Variants in PCDH9 observed in about 807,000 individuals in gnomAD.
PCDH9 encodes the protein protocadherin-9.
PCDH9 carries 24 observed loss-of-function variants against 70.6 expected under a neutral mutation model. The ratio of observed to expected loss-of-function variants is 0.34; its 90% confidence interval spans 0.25 to 0.48. The LOEUF is 0.48. Ranked by LOEUF, PCDH9 falls within the 20% of genes least tolerant of loss-of-function variation. The pLI is 0.99. For synonymous variants in PCDH9, 562 were observed against 558.5 expected, an observed-to-expected ratio of 1.01 and a Z score of -0.09; for missense variants, 1,281 against 1,503.6, an observed-to-expected ratio of 0.85 and a Z score of 2.45.
chr13:66,756,751 T>C (rs1204273901), intron 3 of PCDH9, among the ~76,000 whole-genome samples: 1 of 152,174 alleles, frequency 6.6e-6, no homozygotes, highest in African/African-American at 2.4e-5. Flanking sequence ...ATAATGGAAT[T>C]GTAGCTGGGG....
At chr13:66,886,356 A>C (rs1315128510) in intron 3 of PCDH9, among the ~76,000 whole-genome samples, 1 of 152,150 alleles carries the variant, frequency 6.6e-6, no homozygotes. Flanking sequence ...CAAAACAAGC[A>C]GAGTTAAAAT....
At chr13:66,495,577 A>AATACATACATACATACATACATACATAC (rs542362281) in intron 4 of PCDH9, among the ~76,000 whole-genome samples, 37 of 151,048 alleles carry the variant, frequency 2.4e-4, no homozygotes, top group African/African-American at 8.3e-4. Context: ...TTGCAAAATA[A>AATACATACATACATACATACATACATAC]ATACATACAT....
chr13:66,536,677 G>A (rs1040371652), intron 4 of PCDH9, among the ~76,000 whole-genome samples: 2 of 152,018 alleles, frequency 1.3e-5, no homozygotes, highest in Non-Finnish European at 2.9e-5. Context: ...AATAGATATA[G>A]CTTCTGAAAA....
intron 4 of PCDH9, among the ~76,000 whole-genome samples, chr13:66,365,112 G>A (rs1184623548): frequency 6.6e-6 from 1 of 152,098 alleles, no homozygotes; most frequent in Non-Finnish European, 1.5e-5. Flanking sequence ...CCTTTGATAT[G>A]CACAGTTGGG....
chr13:66,754,094 C>A lies in PCDH9; in HGVS notation c.3139-122683G>T, dbSNP rs558828570. On this transcript the variant is annotated intron_variant, in intron 3 of 4. Coordinates refer to ENST00000377865, the MANE Select transcript of PCDH9 (RefSeq NM_203487.3). ...ATTAAATTATTTCTTGACTTTTATTCTCTTTGTTCTAAGAGGTGTGTATCA... is the reference window on the plus strand; with the variant it reads ...ATTAAATTATTTCTTGACTTTTATTATCTTTGTTCTAAGAGGTGTGTATCA... Among the ~76,000 whole-genome samples, 17 of 150,908 alleles carry A rather than the reference C, an allele frequency of 1.1e-4. No individual in the cohort carries two copies. The East Asian group carries it at 1.9e-3, about 17-fold the overall frequency.
At chr13:67,078,082 C>A (rs2085913756) in intron 2 of PCDH9, among the ~76,000 whole-genome samples, 1 of 152,120 alleles carries the variant, frequency 6.6e-6, no homozygotes, top group Admixed American at 6.6e-5. Context: ...CTGCAGATGG[C>A]TGAGGTGTCC....
At chr13:66,408,293 G>A (rs562692173) in intron 4 of PCDH9, among the ~76,000 whole-genome samples, 20 of 152,126 alleles carry the variant, frequency 1.3e-4, no homozygotes, top group Non-Finnish European at 2.2e-4. Flanking sequence ...CTCCCAGCAG[G>A]GATCACTTTT....
At position 67,228,003 on chromosome 13, in the gene PCDH9, G is replaced by C; in HGVS notation, c.438C>G (p.Val146=). Residue 146 remains valine, a synonymous_variant, in exon 2 of 5, where the codon GTC becomes GTG. Coordinates refer to ENST00000377865, the MANE Select transcript of PCDH9 (RefSeq NM_203487.3). Reference sequence around the variant, plus strand: ...TGTTTTCTGGAATGGAAATATTGATGACAGGAGATGGAAACATGGGGGCAT... The same window carrying C: ...TGTTTTCTGGAATGGAAATATTGATCACAGGAGATGGAAACATGGGGGCAT... ...NDNAPMFPSP[V]INISIPENTL... The C allele has an allele frequency of 1.2e-6, 2 of 1,613,996 alleles. No homozygotes were observed. Among genetic ancestry groups the C allele is most frequent in the Non-Finnish European group, 1.7e-6 (2 of 1,179,888 alleles).
intron 4 of PCDH9, among the ~76,000 whole-genome samples, chr13:66,505,411 C>T (rs1031737204): frequency 5.3e-5 from 8 of 151,944 alleles, no homozygotes; most frequent in African/African-American, 9.7e-5. Context: ...TTCACTATCA[C>T]GAGAACAGCA....
At chr13:66,879,339 T>C (rs1158182844) in intron 3 of PCDH9, among the ~76,000 whole-genome samples, 1 of 152,190 alleles carries the variant, frequency 6.6e-6, no homozygotes, top group Non-Finnish European at 1.5e-5. Flanking sequence ...GGCTACATAA[T>C]TGCTTTGGCA....
At chr13:66,761,942 G>T (rs1274688355) in intron 3 of PCDH9, among the ~76,000 whole-genome samples, 1 of 150,954 alleles carries the variant, frequency 6.6e-6, no homozygotes. Context: ...AATTATTAAT[G>T]ATCCTTTTGT....
chr13:67,206,838 T>C (rs543159029), intron 2 of PCDH9: 1 of 152,290 alleles, frequency 6.6e-6, no homozygotes, highest in East Asian at 1.9e-4. Flanking sequence ...ACACTTGTTA[T>C]CATTAGAGTT....
chr13:66,390,683 C>G (rs1030868724), intron 4 of PCDH9, among the ~76,000 whole-genome samples: 1 of 151,242 alleles, frequency 6.6e-6, no homozygotes, highest in Non-Finnish European at 1.5e-5. Context: ...TTGCAGTGAG[C>G]CAAGATCATG....
At chr13:67,089,132 C>T (rs2086166658) in intron 2 of PCDH9, among the ~76,000 whole-genome samples, 1 of 151,986 alleles carries the variant, frequency 6.6e-6, no homozygotes, top group Admixed American at 6.6e-5. Context: ...GCCTGCATCA[C>T]TTTCTAAATC....
At chr13:66,527,560 G>A (rs1196445918) in intron 4 of PCDH9, among the ~76,000 whole-genome samples, 1 of 151,690 alleles carries the variant, frequency 6.6e-6, no homozygotes, top group Non-Finnish European at 1.5e-5. Context: ...TTGTTTTTTT[G>A]GACTGCCTAA....
At chr13:66,961,817 C>T (rs1041512984) in intron 2 of PCDH9, among the ~76,000 whole-genome samples, 2 of 151,942 alleles carry the variant, frequency 1.3e-5, no homozygotes, top group Admixed American at 6.5e-5. Context: ...CTTTGGGAGG[C>T]TGAGGCGGGT....
At chr13:66,392,902 T>TTC (rs1957043656) in intron 4 of PCDH9, among the ~76,000 whole-genome samples, 1 of 152,036 alleles carries the variant, frequency 6.6e-6, no homozygotes, top group Admixed American at 6.6e-5. Context: ...TTTTTTTTTT[T>TTC]TCTGAAGGTA....
chr13:66,368,112 A>C (rs567424639), intron 4 of PCDH9, among the ~76,000 whole-genome samples: 12 of 152,212 alleles, frequency 7.9e-5, no homozygotes, highest in African/African-American at 2.4e-4. Flanking sequence ...ATATCAATAA[A>C]ATTCAGTTTA....
intron 4 of PCDH9, among the ~76,000 whole-genome samples, chr13:66,559,818 AT>A (rs1210318826): frequency 0.029 from 1,063 of 37,258 alleles, 27 homozygotes; most frequent in Middle Eastern, 0.044. Context: ...AAAAAAAAAA[AT>A]ATATATATAT....
Sources: gnomAD v4.1 joint callset for allele counts (sites outside exome capture counted in the v4.1 genomes callset) on GRCh38, gnomAD v4.1.1 for gene constraint, MANE v1.5 for transcripts, NCBI Gene and HGNC (gene_info 2026-07-23, HGNC 2026-07-21) for gene names.